The following TEX9 variants were observed in gnomAD, a reference collection of about 807,000 sequenced individuals.
TEX9 encodes the protein testis-expressed protein 9.
A neutral mutation model predicts 59.6 loss-of-function variants in TEX9; 74 were observed. The ratio of observed to expected loss-of-function variants is 1.24; its 90% CI spans 1.03 to 1.51. The LOEUF (loss-of-function observed/expected upper bound fraction) is 1.51. Among genes scored for constraint, TEX9 ranks in the 40% most tolerant of loss-of-function variants. The pLI, the probability that TEX9 is intolerant of heterozygous loss-of-function variation, is 0.00. For missense variants in TEX9, 522 were observed against 447.8 expected (o/e 1.17, Z -1.49); for synonymous variants, 186 against 152.2 (o/e 1.22, Z -1.64).
chr15:56,388,590 T>C (rs1425662938), intron 5 of TEX9, 70 bp downstream of exon 5: 6 of 1,364,974 alleles, frequency 4.4e-6, no homozygotes, highest in African/African-American at 2.9e-5. Flanking sequence ...AGACTTTTCT[T>C]AGACAAAGCA....
At chr15:56,371,838 T>C (rs1229173581) in intron 2 of TEX9, among the ~76,000 whole-genome samples, 4 of 152,244 alleles carry the variant, frequency 2.6e-5, no homozygotes, top group Non-Finnish European at 5.9e-5. Flanking sequence ...GAGAATCTTT[T>C]CTACCTGTGG....
chr15:56,258,929 T>C (rs1480288085), intron 1 of TEX9, among the ~76,000 whole-genome samples: 1 of 149,766 alleles, frequency 6.7e-6, no homozygotes, highest in Non-Finnish European at 1.5e-5. Flanking sequence ...TAAACACCTA[T>C]ATGTATATAT....
At chr15:56,451,786 A>G in the TEX9 span, among the ~76,000 whole-genome samples, 1 of 152,154 alleles carries the variant, frequency 6.6e-6, no homozygotes, top group Non-Finnish European at 1.5e-5. Flanking sequence ...TGGGACATGA[A>G]CCCATCGTAC....
intron 9 of TEX9, among the ~76,000 whole-genome samples, chr15:56,408,203 G>T (rs890018536): frequency 6.6e-6 from 1 of 151,994 alleles, no homozygotes; most frequent in East Asian, 1.9e-4. Flanking sequence ...AAATACTTTT[G>T]CTTAGGCTTC....
intron 1 of TEX9, among the ~76,000 whole-genome samples, chr15:56,276,476 G>T (rs563161229): frequency 1.3e-5 from 2 of 152,144 alleles, no homozygotes; most frequent in African/African-American, 4.8e-5. Flanking sequence ...ATGGTTTCCA[G>T]CTTCATCCAT....
At chr15:56,434,781 A>AT (rs2050691630) in intron 12 of TEX9, among the ~76,000 whole-genome samples, 1 of 152,054 alleles carries the variant, frequency 6.6e-6, no homozygotes, top group African/African-American at 2.4e-5. Context: ...CAAACCACCC[A>AT]TAAGTATTTT....
At chr15:56,244,180 C>G (rs2043778541) in exon 1 of TEX9, 1 of 152,252 alleles carries the variant, frequency 6.6e-6, no homozygotes, top group Admixed American at 6.5e-5. Context: ...GGGGAGGCAT[C>G]TTCAAAGCAA....
intron 12 of TEX9, among the ~76,000 whole-genome samples, chr15:56,441,635 G>A (rs2050815748): frequency 6.6e-6 from 1 of 152,044 alleles, no homozygotes; most frequent in South Asian, 2.1e-4. Flanking sequence ...CTACAGAATG[G>A]GAGAAAATAT....
chr15:56,398,563 T>A (rs1242853327), intron 9 of TEX9, among the ~76,000 whole-genome samples: 1 of 152,170 alleles, frequency 6.6e-6, no homozygotes, highest in Non-Finnish European at 1.5e-5. Context: ...GAAACCTTGG[T>A]TATATATTTG....
At chr15:56,375,351 T>C (rs1402882753) in intron 3 of TEX9, among the ~76,000 whole-genome samples, 1 of 152,186 alleles carries the variant, frequency 6.6e-6, no homozygotes, top group Non-Finnish European at 1.5e-5. Context: ...TGCCCACTTT[T>C]TGATGGGGTT....
rs1272348025 is a variant in TEX9 at position 56,297,828 on chromosome 15, G to T, written c.-107+53550G>T. Among the ~76,000 whole-genome samples, 3 of 152,192 alleles carry T rather than the reference G, an allele frequency of 2.0e-5. No homozygotes were observed. In the East Asian group the frequency reaches 5.8e-4, roughly 29 times the overall value. On this transcript the variant is annotated intron_variant, in intron 1 of 5. Coordinates refer to the TEX9 transcript ENST00000560827. ...CCACTACAAAATTTCTAAATTAAAA[G>T]ACAGCATTTGGTAATGTCTTATCTT...
chr15:56,345,276 A>G (rs1265515820), intron 1 of TEX9, among the ~76,000 whole-genome samples: 1 of 151,954 alleles, frequency 6.6e-6, no homozygotes, highest in Non-Finnish European at 1.5e-5. Context: ...ACATGAATGG[A>G]CAATTTTCAT....
intron 1 of TEX9, among the ~76,000 whole-genome samples, chr15:56,329,947 A>G: frequency 6.6e-6 from 1 of 152,094 alleles, no homozygotes; most frequent in Admixed American, 6.5e-5. Flanking sequence ...AGCAGATTTA[A>G]TCCAAAGAAG....
At chr15:56,437,125 CTTTGG>C (rs1429141322) in intron 12 of TEX9, among the ~76,000 whole-genome samples, 1 of 152,088 alleles carries the variant, frequency 6.6e-6, no homozygotes, top group East Asian at 1.9e-4. Flanking sequence ...CATCCTGATA[CTTTGG>C]TCGTCTGTCA....
At chr15:56,265,835 T>A (rs1179812869) in intron 1 of TEX9, among the ~76,000 whole-genome samples, 4 of 152,192 alleles carry the variant, frequency 2.6e-5, no homozygotes, top group African/African-American at 9.6e-5. Flanking sequence ...TATATGAATA[T>A]CAGTTGGGTC....
At chr15:56,326,597 G>C (rs74807825) in intron 1 of TEX9, among the ~76,000 whole-genome samples, 2,490 of 152,184 alleles carry the variant, frequency 0.016, 63 homozygotes, top group African/African-American at 0.056. Context: ...TGGAAATGCA[G>C]AACAATTCAG....
intron 2 of TEX9, 21 bp downstream of exon 2, chr15:56,365,691 A>C: frequency 6.2e-7 from 1 of 1,613,582 alleles, no homozygotes; most frequent in Non-Finnish European, 8.5e-7. Flanking sequence ...CGGCGGTTGA[A>C]CTTTTCCTTC....
intron 9 of TEX9, among the ~76,000 whole-genome samples, chr15:56,410,484 T>G (rs2049293966): frequency 6.6e-6 from 1 of 152,094 alleles, no homozygotes; most frequent in Non-Finnish European, 1.5e-5. Context: ...AAAAAAAAAC[T>G]AATGTGCAAC....
At chr15:56,424,523 A>G (rs1567140305) in intron 10 of TEX9, among the ~76,000 whole-genome samples, 2 of 152,062 alleles carry the variant, frequency 1.3e-5, no homozygotes, top group South Asian at 4.1e-4. Context: ...GTTTGTTCAC[A>G]ATTTTATGTA....
Sources: gnomAD v4.1 joint callset for allele counts (sites outside exome capture counted in the v4.1 genomes callset) on GRCh38, gnomAD v4.1.1 for gene constraint, MANE v1.5 for transcripts, NCBI Gene and HGNC (gene_info 2026-07-23, HGNC 2026-07-21) for gene names.